The following AK2 variants were observed in gnomAD, a reference collection of about 807,000 sequenced individuals.
AK2 encodes the protein adenylate kinase 2, mitochondrial.
AK2 carries 15 observed loss-of-function variants against 24.6 expected under a neutral mutation model. The ratio of observed to expected loss-of-function variants is 0.61; its 90% CI spans 0.41 to 0.94. The LOEUF (loss-of-function observed/expected upper bound fraction) is 0.94. Among genes scored for constraint, AK2 ranks in the 40% least tolerant of loss-of-function variants. The pLI, the probability that AK2 is intolerant of heterozygous loss-of-function variation, is 0.00. For missense variants in AK2, 257 were observed against 304.1 expected (o/e 0.85, Z 1.15); for synonymous variants, 102 against 114.0 (o/e 0.90, Z 0.67).
chr1:33,014,655 C>T, intron 4 of AK2, 61 bp from the exon 5 acceptor site: 2 of 1,407,816 alleles, frequency 1.4e-6, no homozygotes, highest in Non-Finnish European at 2.0e-6. Flanking sequence ...GCACTCCACT[C>T]TAGGGGGCTC....
rs139979574 is a variant in AK2, at chr1:33,026,364, A to G, written c.94-1797T>C. Among the ~76,000 whole-genome samples the G allele has an allele frequency of 9.4e-3, 1,433 of 152,318 alleles. 20 individuals are homozygous for G. Among genetic ancestry groups the G allele is most frequent in the African/African-American group, 0.033 (1,354 of 41,566 alleles). ...CAGGCACAAGCCACGTGCCTGGCTA[A>G]TTTTTATGTAATTGGGAGTTTTCTT... On this transcript the variant is annotated intron_variant, in intron 1 of 5. Transcript: ENST00000672715.
intron 1 of AK2, chr1:33,031,803 A>T (rs1244713132): frequency 2.5e-6 from 1 of 404,684 alleles, no homozygotes; most frequent in East Asian, 7.3e-5. Flanking sequence ...ACATGGAAGA[A>T]ATGAGGAGGG....
intron 5 of AK2, 174 bp downstream of exon 5, chr1:33,014,348 A>T (rs1639038504): frequency 1.7e-6 from 1 of 589,994 alleles, no homozygotes; most frequent in East Asian, 3.8e-5. Flanking sequence ...ACCTGAGGAG[A>T]CACTGAATAG....
chr1:33,024,358 A>G (rs1249857175), intron 2 of AK2, 84 bp downstream of exon 2: 1 of 1,570,554 alleles, frequency 6.4e-7, no homozygotes, highest in Admixed American at 1.7e-5. Context: ...CTAAATAGCC[A>G]CCTGTGGCTG....
Position 33,010,835 on chromosome 1 carries a change from T to C in AK2, c.*2346A>G. Reference sequence around the variant, plus strand: ...CTCGCCTGGCCTTCTGATACTAGGCTGAAATAGAGAGGAAACAAGAGAGAA... The same window carrying C: ...CTCGCCTGGCCTTCTGATACTAGGCCGAAATAGAGAGGAAACAAGAGAGAA... On this transcript the variant is annotated 3_prime_UTR_variant, in exon 6 of 6. Coordinates refer to ENST00000672715, the MANE Select transcript of AK2 (RefSeq NM_001625.4). The C allele has an allele frequency of 2.0e-6, 3 of 1,533,474 alleles. No homozygotes were observed. Among genetic ancestry groups the C allele is most frequent in the Non-Finnish European group, 2.7e-6 (3 of 1,113,880 alleles). 95.0% of individuals were successfully genotyped at this position (1,533,474 alleles called of 1,614,324 possible).
chr1:33,034,074 C>T (rs1487606525), intron 1 of AK2, among the ~76,000 whole-genome samples: 2 of 151,932 alleles, frequency 1.3e-5, no homozygotes, highest in Non-Finnish European at 2.9e-5. Context: ...GGGGTTTCGC[C>T]ATGTTGCCCA....
intron 5 of AK2, 117 bp from the exon 6 acceptor site, chr1:33,013,519 G>T: frequency 6.5e-7 from 1 of 1,527,884 alleles, no homozygotes; most frequent in South Asian, 1.2e-5. Flanking sequence ...TGTTCCCAAA[G>T]CCCATCAGAG....
chr1:33,028,674 T>C (rs1640054598), intron 1 of AK2, among the ~76,000 whole-genome samples: 1 of 152,102 alleles, frequency 6.6e-6, no homozygotes, highest in Admixed American at 6.6e-5. Flanking sequence ...CCAAAAACTG[T>C]TGCTGAGCCC....
At position 33,010,677 on chromosome 1, in the gene AK2, C is replaced by T. The variant is rs761533565; in HGVS notation, c.*2504G>A. On this transcript the variant is annotated 3_prime_UTR_variant, in exon 6 of 6. Transcript: ENST00000672715. ...AAGAAACTGCCACACTACAATAACACTGCTGTTGTTCCAAGTATTCCTCTG... is the reference window on the plus strand; with the variant it reads ...AAGAAACTGCCACACTACAATAACATTGCTGTTGTTCCAAGTATTCCTCTG... The T allele has an allele frequency of 1.6e-5, 26 of 1,587,398 alleles. No homozygotes were observed. Among genetic ancestry groups the T allele is most frequent in the Non-Finnish European group, 2.1e-5 (25 of 1,163,782 alleles).
At chr1:33,026,040 A>G (rs1639856815) in intron 1 of AK2, among the ~76,000 whole-genome samples, 1 of 152,232 alleles carries the variant, frequency 6.6e-6, no homozygotes, top group Non-Finnish European at 1.5e-5. Flanking sequence ...ACAGCTCAAC[A>G]CTGGCTTTGC....
chr1:33,012,800 G>A lies in AK2; in HGVS notation c.*381C>T. ...TAGTCCCAGCTGCTCAGGAGGCTGA[G>A]GTGGGATAATTGCTTGAGCCCCAGG... On this transcript the variant is annotated 3_prime_UTR_variant, in exon 6 of 6. Coordinates refer to ENST00000672715, the MANE Select transcript of AK2 (RefSeq NM_001625.4). 1.9e-6 allele frequency: 2 copies of A among 1,039,384 alleles called. No homozygotes were observed. The highest frequency in any genetic ancestry group is 2.6e-6 in the Non-Finnish European group (2 of 761,480). 64.4% of individuals were successfully genotyped at this position (1,039,384 alleles called of 1,614,324 possible).
In AK2 at chr1:33,022,212, T is replaced by A. The variant is rs116503176; in HGVS notation, c.220-509A>T. Among the ~76,000 whole-genome samples, 548 of 152,220 alleles carry A rather than the reference T, an allele frequency of 3.6e-3. 7 individuals carry two copies. Among genetic ancestry groups the A allele is most frequent in the African/African-American group, 0.013 (524 of 41,534 alleles). On this transcript the variant is annotated intron_variant, in intron 2 of 5. Coordinates refer to ENST00000672715, the MANE Select transcript of AK2 (RefSeq NM_001625.4). Reference sequence around the variant, plus strand: ...CCCTGTTCCACAGCTGTCATTAGGCTAACAGTAACGTGACTGATGTGTGTA... The same window carrying A: ...CCCTGTTCCACAGCTGTCATTAGGCAAACAGTAACGTGACTGATGTGTGTA...
At chr1:33,030,154 G>C (rs529433172) in intron 1 of AK2, among the ~76,000 whole-genome samples, 39 of 152,294 alleles carry the variant, frequency 2.6e-4, no homozygotes, top group African/African-American at 9.4e-4. Flanking sequence ...CAAATACGCG[G>C]CATAAATGCC....
Position 33,013,246 on chromosome 1 carries a change from C to T in AK2, c.655G>A (p.Val219Met), listed in dbSNP as rs755736918. The stretch of plus-strand genomic sequence containing the variant: ...AAGGCTGCTAGGATGCTTGCGAACA[C>T]GACATCGGGGGTCTGGGATGCATCG... ...AIDASQTPDVVFASILAAFSK... is the reference protein window; with the variant it reads ...AIDASQTPDVMFASILAAFSK... Residue 219 changes from valine to methionine, a missense_variant, in exon 6 of 6, where the codon GTG (valine) becomes ATG (methionine). Transcript: ENST00000672715. 5.5e-5 allele frequency: 88 copies of T among 1,614,028 alleles called. No individual in the cohort carries two copies. Among genetic ancestry groups the T allele is most frequent in the Admixed American group, 6.7e-5 (4 of 59,994 alleles).
chr1:33,014,795 A>G (rs995826155), intron 4 of AK2, among the ~76,000 whole-genome samples: 6 of 152,202 alleles, frequency 3.9e-5, no homozygotes, highest in Admixed American at 2.0e-4. Flanking sequence ...TTGACCAAAC[A>G]TTATTATGAG....
rs750592776 is a variant in AK2, at chr1:33,010,829, C to A, written c.*2352G>T. On this transcript the variant is annotated 3_prime_UTR_variant, in exon 6 of 6. Transcript: ENST00000672715. ...TGCAGTCTCGCCTGGCCTTCTGATACTAGGCTGAAATAGAGAGGAAACAAG... is the reference window on the plus strand; with the variant it reads ...TGCAGTCTCGCCTGGCCTTCTGATAATAGGCTGAAATAGAGAGGAAACAAG... 1.1e-5 allele frequency: 18 copies of A among 1,614,120 alleles called. No homozygotes were observed. In the East Asian group the frequency reaches 3.8e-4, roughly 34 times the overall value.
intron 4 of AK2, among the ~76,000 whole-genome samples, chr1:33,016,808 C>G (rs955666217): frequency 2.0e-5 from 3 of 151,648 alleles, no homozygotes; most frequent in Non-Finnish European, 4.4e-5. Flanking sequence ...CAGGTTCAAG[C>G]AATTCTCCTG....
intron 1 of AK2, among the ~76,000 whole-genome samples, chr1:33,026,124 T>G (rs1639862997): frequency 6.6e-6 from 1 of 152,242 alleles, no homozygotes; most frequent in Non-Finnish European, 1.5e-5. Flanking sequence ...CTTTTTCCGT[T>G]CAATTGTTTT....
At chr1:33,031,817 G>A in intron 1 of AK2, 1 of 368,972 alleles carries the variant, frequency 2.7e-6, no homozygotes. Flanking sequence ...AGGAGGGGTT[G>A]GCAAAAAAAC....
Sources: allele counts gnomAD v4.1 joint callset (sites outside exome capture counted in the v4.1 genomes callset), GRCh38; gene constraint gnomAD v4.1.1; transcripts MANE v1.5; gene names NCBI Gene and HGNC (gene_info 2026-07-23, HGNC 2026-07-21).